MTUS2: variants seen among roughly 807,000 people sequenced by gnomAD.
MTUS2 encodes the protein microtubule associated scaffold protein 2.
A neutral mutation model predicts 114.1 loss-of-function variants in MTUS2; 40 were observed. The ratio of observed to expected loss-of-function variants is 0.35; its 90% CI spans 0.27 to 0.46. The LOEUF (loss-of-function observed/expected upper bound fraction) is 0.46. Ranked by LOEUF, MTUS2 falls within the 20% of genes least tolerant of loss-of-function variation. The pLI is 1.00. For missense variants in MTUS2, 1,679 were observed against 1,705.4 expected (o/e 0.98, Z 0.27); for synonymous variants, 688 against 672.0 (o/e 1.02, Z -0.37).
At chr13:28,936,196 G>A (rs972097711) in intron 2 of MTUS2, among the ~76,000 whole-genome samples, 2 of 152,092 alleles carry the variant, frequency 1.3e-5, no homozygotes, top group Admixed American at 6.5e-5. Context: ...TGATGTTAGC[G>A]GGAAAGCAGG....
At chr13:28,939,648 A>C (rs1882114386) in intron 2 of MTUS2, among the ~76,000 whole-genome samples, 1 of 152,144 alleles carries the variant, frequency 6.6e-6, no homozygotes. Flanking sequence ...TCCAAATAAA[A>C]TTTTAATTTT....
At chr13:29,046,663 G>A (rs1169123050) in intron 4 of MTUS2, among the ~76,000 whole-genome samples, 1 of 152,138 alleles carries the variant, frequency 6.6e-6, no homozygotes, top group Non-Finnish European at 1.5e-5. Flanking sequence ...GTGGGATATG[G>A]TGAGGTTTCT....
chr13:29,228,594 G>A (rs1275917425), intron 5 of MTUS2, among the ~76,000 whole-genome samples: 1 of 152,074 alleles, frequency 6.6e-6, no homozygotes, highest in Non-Finnish European at 1.5e-5. Context: ...TGTTGGGATT[G>A]CAGGCATGAG....
At chr13:29,460,447 T>A (rs1038359089) in intron 9 of MTUS2, among the ~76,000 whole-genome samples, 25 of 151,656 alleles carry the variant, frequency 1.6e-4, no homozygotes, top group Non-Finnish European at 1.5e-5. Context: ...TTCTTGTTTT[T>A]CAGCTCTCTC....
chr13:28,935,164 C>G (rs980432099), intron 2 of MTUS2, among the ~76,000 whole-genome samples: 1 of 151,970 alleles, frequency 6.6e-6, no homozygotes, highest in African/African-American at 2.4e-5. Context: ...GTGAAGTGTC[C>G]TATAGTATGA....
chr13:29,118,570 C>T (rs1047497188), intron 5 of MTUS2, among the ~76,000 whole-genome samples: 3 of 152,166 alleles, frequency 2.0e-5, no homozygotes, highest in Admixed American at 1.3e-4. Context: ...GCTGAGTGCT[C>T]GTGGGAAGCT....
chr13:29,458,000 C>G lies in MTUS2; in HGVS notation c.3184+17951C>G, dbSNP rs190446108. The stretch of plus-strand genomic sequence containing the variant: ...ATCTCCTGACCTCATGATCCGCCTG[C>G]CTCGGCCTCCCAAAGTGCTGGGATT... On this transcript the variant is annotated intron_variant, in intron 9 of 15. Coordinates refer to ENST00000612955, the MANE Select transcript of MTUS2 (RefSeq NM_001033602.4). 4.5e-4 allele frequency among the ~76,000 whole-genome samples: 68 copies of G among 152,298 alleles called. 1 individual carries two copies. Among genetic ancestry groups the G allele is most frequent in the African/African-American group, 1.6e-3 (66 of 41,576 alleles).
chr13:29,276,819 A>G (rs770839170), intron 5 of MTUS2, among the ~76,000 whole-genome samples: 1 of 152,092 alleles, frequency 6.6e-6, no homozygotes, highest in Non-Finnish European at 1.5e-5. Context: ...AATCACTGGA[A>G]CTCAGGAGGC....
At chr13:28,837,747 A>G (rs1414136061) in intron 1 of MTUS2, among the ~76,000 whole-genome samples, 1 of 152,184 alleles carries the variant, frequency 6.6e-6, no homozygotes, top group African/African-American at 2.4e-5. Context: ...CCATTATAAT[A>G]ATAATGACAA....
chr13:29,120,063 T>C (rs1040368591), intron 5 of MTUS2, among the ~76,000 whole-genome samples: 1 of 152,192 alleles, frequency 6.6e-6, no homozygotes, highest in Non-Finnish European at 1.5e-5. Flanking sequence ...TTTTTGCCAT[T>C]ACAATTGATA....
intron 5 of MTUS2, among the ~76,000 whole-genome samples, chr13:29,208,852 T>G (rs530298701): frequency 6.6e-6 from 1 of 152,300 alleles, no homozygotes; most frequent in Admixed American, 6.5e-5. Flanking sequence ...TGGCCTGTCA[T>G]GTACTCTATC....
chr13:28,957,289 G>T (rs1196456763), intron 2 of MTUS2, among the ~76,000 whole-genome samples: 1 of 152,170 alleles, frequency 6.6e-6, no homozygotes, highest in African/African-American at 2.4e-5. Flanking sequence ...GATGACATTT[G>T]CCATTCATTC....
At chr13:29,174,998 C>G (rs1893711709) in intron 5 of MTUS2, among the ~76,000 whole-genome samples, 1 of 152,158 alleles carries the variant, frequency 6.6e-6, no homozygotes, top group African/African-American at 2.4e-5. Context: ...CAGCCAATAA[C>G]ATGTTCGTAA....
chr13:29,205,532 A>G (rs1895149251), intron 5 of MTUS2, among the ~76,000 whole-genome samples: 1 of 152,202 alleles, frequency 6.6e-6, no homozygotes, highest in Non-Finnish European at 1.5e-5. Context: ...CACTGCACCC[A>G]GTGTGTAGTC....
rs1456491388 is a variant in MTUS2 at position 29,371,979 on chromosome 13, C to A, written c.3117+12506C>A. On this transcript the variant is annotated intron_variant, in intron 8 of 15. Coordinates refer to ENST00000612955, the MANE Select transcript of MTUS2 (RefSeq NM_001033602.4). ...ATCTTAAGTGTCCTCAACCCCCGCC[C>A]CCCCCCCCACACACACACACAAGCA... is the stretch of plus-strand genomic sequence containing the variant. Among the ~76,000 whole-genome samples the A allele has an allele frequency of 1.2e-4, 5 of 41,918 alleles. 1 individual carries two copies. Among genetic ancestry groups the A allele is most frequent in the East Asian group, 7.9e-4 (1 of 1,270 alleles). The allele number at this position is 41,918 out of a possible 152,430, so 27.5% of individuals were successfully genotyped here.
At chr13:29,456,592 GAAATGCTA>G (rs1248708149) in intron 9 of MTUS2, among the ~76,000 whole-genome samples, 1 of 152,104 alleles carries the variant, frequency 6.6e-6, no homozygotes, top group Non-Finnish European at 1.5e-5. Context: ...ATATAAAGAG[GAAATGCTA>G]AAAAGCACCC....
At chr13:29,221,972 A>C (rs1344713873) in intron 5 of MTUS2, among the ~76,000 whole-genome samples, 1 of 152,134 alleles carries the variant, frequency 6.6e-6, no homozygotes, top group Non-Finnish European at 1.5e-5. Context: ...GAGTCTCACT[A>C]TATTGCCCAG....
intron 5 of MTUS2, among the ~76,000 whole-genome samples, chr13:29,272,173 C>T (rs181085968): frequency 6.6e-6 from 1 of 152,182 alleles, no homozygotes; most frequent in East Asian, 1.9e-4. Context: ...GGAAATAAAA[C>T]ATTCAGTTGA....
At chr13:29,389,458 T>C in intron 8 of MTUS2, among the ~76,000 whole-genome samples, 1 of 120,894 alleles carries the variant, frequency 8.3e-6, no homozygotes, top group Non-Finnish European at 1.9e-5. Flanking sequence ...TATACACGTG[T>C]GTGTATGTGT....
Sources: allele counts gnomAD v4.1 joint callset (sites outside exome capture counted in the v4.1 genomes callset), GRCh38; gene constraint gnomAD v4.1.1; transcripts MANE v1.5; gene names NCBI Gene and HGNC (gene_info 2026-07-23, HGNC 2026-07-21).